The following CPPED1 variants were observed in gnomAD, a reference collection of about 807,000 sequenced individuals.
CPPED1 encodes calcineurin like phosphoesterase domain containing 1.
CPPED1 carries 28 observed loss-of-function variants against 28.0 expected under a neutral mutation model. The ratio of observed to expected loss-of-function variants is 1.00; its 90% CI spans 0.74 to 1.37. The LOEUF (loss-of-function observed/expected upper bound fraction) is 1.37, where lower values mean the gene tolerates loss of function less well. CPPED1 is among the 40% of genes most tolerant of loss of function. The pLI is 0.00. For synonymous variants in CPPED1, 198 were observed against 180.2 expected, an observed-to-expected ratio of 1.10 and a Z score of -0.79; for missense variants, 504 against 416.5, an observed-to-expected ratio of 1.21 and a Z score of -1.83.
intron 2 of CPPED1, among the ~76,000 whole-genome samples, chr16:12,724,045 C>T (rs7185373): frequency 0.83 from 125,817 of 152,048 alleles, 52,575 homozygotes; most frequent in African/African-American, 0.95. Flanking sequence ...TAAATCAGAG[C>T]ATACTTCCCC....
rs542813376 is a variant in CPPED1 at position 12,662,469 on chromosome 16, C to T, written c.*2417G>A. The T allele has an allele frequency of 6.6e-6, 1 of 152,302 alleles. No individual in the cohort carries two copies. Among genetic ancestry groups the T allele is most frequent in the East Asian group, 1.9e-4 (1 of 5,176 alleles). The allele number at this position is 152,302 out of a possible 1,614,324, so 9.4% of individuals were successfully genotyped here. A position where few individuals can be genotyped will look rare whatever the true frequency, so the allele number is the denominator to read the frequency against. On this transcript the variant is annotated 3_prime_UTR_variant, in exon 4 of 4. Coordinates refer to ENST00000381774, the MANE Select transcript of CPPED1 (RefSeq NM_018340.3). ...ATATTGCGAAGTGGTGAAGTCCAGG[C>T]TTTTCCTGCAACCAACACCAGAAAA...
At position 12,781,295 on chromosome 16, in the gene CPPED1, T is replaced by C; in HGVS notation, c.179A>G (p.Glu60Gly). The C allele has an allele frequency of 1.9e-6, 3 of 1,614,100 alleles. No homozygotes were observed. Among genetic ancestry groups the C allele is most frequent in the Non-Finnish European group, 2.5e-6 (3 of 1,179,996 alleles). ...AGTTAGACGGATCTCCTGTTCCCAT[T>C]CGTCACCGCCATTGTCACAGTCCCC... ...STGDCDNGGDEWEQEIRLTEQ... is the reference protein window; with the variant it reads ...STGDCDNGGDGWEQEIRLTEQ... Residue 60 changes from glutamate to glycine, a missense_variant, in exon 2 of 4, where the codon GAA (glutamate) becomes GGA (glycine). Physicochemically the swap from Glu to Gly is moderately conservative, Grantham distance 98. Coordinates refer to ENST00000381774, the MANE Select transcript of CPPED1 (RefSeq NM_018340.3).
intron 2 of CPPED1, among the ~76,000 whole-genome samples, chr16:12,719,425 C>T (rs1336108761): frequency 2.6e-5 from 4 of 151,886 alleles, no homozygotes; most frequent in East Asian, 1.9e-4. Context: ...TGGAGGAAAC[C>T]GCCCCCATGA....
chr16:12,761,951 G>A (rs1361432826), intron 2 of CPPED1, among the ~76,000 whole-genome samples: 2 of 151,752 alleles, frequency 1.3e-5, no homozygotes, highest in African/African-American at 2.4e-5. Flanking sequence ...TGAGGTGGAG[G>A]TTGCAGTGAG....
At chr16:12,728,742 A>C (rs1034286376) in intron 2 of CPPED1, among the ~76,000 whole-genome samples, 1 of 152,280 alleles carries the variant, frequency 6.6e-6, no homozygotes, top group South Asian at 2.1e-4. Flanking sequence ...AACGACATCA[A>C]ATGAAGTGAG....
At chr16:12,782,015 G>C (rs2080534634) in intron 1 of CPPED1, among the ~76,000 whole-genome samples, 1 of 152,118 alleles carries the variant, frequency 6.6e-6, no homozygotes, top group South Asian at 2.1e-4. Flanking sequence ...ACATTTCAAA[G>C]GCAGTAGGAT....
intron 2 of CPPED1, among the ~76,000 whole-genome samples, chr16:12,778,457 G>A (rs2080511324): frequency 6.6e-6 from 1 of 151,340 alleles, no homozygotes; most frequent in Non-Finnish European, 1.5e-5. Flanking sequence ...TTGTATTTTA[G>A]TAGAGACGGG....
chr16:12,784,079 G>A (rs760241607), intron 1 of CPPED1, among the ~76,000 whole-genome samples: 6 of 152,186 alleles, frequency 3.9e-5, no homozygotes, highest in Non-Finnish European at 8.8e-5. Context: ...ATATGATGAT[G>A]GCAGTCCCTT....
At chr16:12,684,283 G>T (rs1463210000) in intron 3 of CPPED1, among the ~76,000 whole-genome samples, 2 of 152,216 alleles carry the variant, frequency 1.3e-5, no homozygotes, top group Non-Finnish European at 2.9e-5. Flanking sequence ...GGCTGAGGTT[G>T]GAGGATCACC....
intron 2 of CPPED1, chr16:12,752,892 T>C (rs963795611): frequency 2.7e-5 from 4 of 148,476 alleles, no homozygotes; most frequent in Non-Finnish European, 4.5e-5. Flanking sequence ...TAATTACATA[T>C]TAATAACATT....
At chr16:12,724,428 C>T (rs1443838954) in intron 2 of CPPED1, among the ~76,000 whole-genome samples, 2 of 152,222 alleles carry the variant, frequency 1.3e-5, no homozygotes, top group Non-Finnish European at 2.9e-5. Context: ...CTGTCACTTC[C>T]ATGAGTGGCC....
chr16:12,693,096 C>A (rs1031291832), intron 3 of CPPED1, among the ~76,000 whole-genome samples: 9 of 152,234 alleles, frequency 5.9e-5, no homozygotes, highest in African/African-American at 1.9e-4. Context: ...CTCCTTACAA[C>A]TGACGTGCTC....
intron 3 of CPPED1, among the ~76,000 whole-genome samples, chr16:12,687,965 A>G (rs970848736): frequency 6.6e-6 from 1 of 151,726 alleles, no homozygotes; most frequent in African/African-American, 2.4e-5. Context: ...GGAAGGAAGA[A>G]GAAGGAGGAA....
At chr16:12,724,457 G>A (rs1317579538) in intron 2 of CPPED1, among the ~76,000 whole-genome samples, 3 of 152,230 alleles carry the variant, frequency 2.0e-5, no homozygotes, top group African/African-American at 4.8e-5. Flanking sequence ...CCATTATCGC[G>A]CAGCTGCCAG....
intron 2 of CPPED1, among the ~76,000 whole-genome samples, chr16:12,746,344 C>T (rs1010474103): frequency 1.4e-5 from 2 of 145,696 alleles, no homozygotes; most frequent in African/African-American, 5.0e-5. Flanking sequence ...ACTGCACTCC[C>T]GCCTAGGCGA....
At chr16:12,719,997 C>A (rs1030713317) in intron 2 of CPPED1, among the ~76,000 whole-genome samples, 2 of 152,046 alleles carry the variant, frequency 1.3e-5, no homozygotes, top group African/African-American at 4.8e-5. Context: ...ATGTCCATTA[C>A]ACTATGTGCA....
At chr16:12,723,100 A>C (rs1450755628) in intron 2 of CPPED1, among the ~76,000 whole-genome samples, 1 of 152,120 alleles carries the variant, frequency 6.6e-6, no homozygotes, top group Non-Finnish European at 1.5e-5. Context: ...GCTCCCATCT[A>C]ACTTCCGTAT....
rs551097973 is a variant in CPPED1, at chr16:12,661,828, C to T, written c.*3058G>A. ...TCTGCTCTTTGGACAAGCTTCTGCC[C>T]CCTGAACCTGGTGCAATCAGGGTCT... On this transcript the variant is annotated 3_prime_UTR_variant, in exon 4 of 4. Coordinates refer to ENST00000381774, the MANE Select transcript of CPPED1 (RefSeq NM_018340.3). 6.6e-6 allele frequency: 1 copy of T among 152,368 alleles called. No homozygotes were observed. Among genetic ancestry groups the T allele is most frequent in the Non-Finnish European group, 1.5e-5 (1 of 68,166 alleles). The allele number at this position is 152,368 out of a possible 1,614,324, so 9.4% of individuals were successfully genotyped here.
intron 2 of CPPED1, among the ~76,000 whole-genome samples, chr16:12,747,059 TA>T (rs894792545): frequency 1.1e-4 from 14 of 124,738 alleles, no homozygotes; most frequent in Non-Finnish European, 2.1e-4. Context: ...TCCCAAAAAA[TA>T]AAAAAAAAAT....
Sources: gnomAD v4.1 joint callset for allele counts (sites outside exome capture counted in the v4.1 genomes callset) on GRCh38, gnomAD v4.1.1 for gene constraint, MANE v1.5 for transcripts, NCBI Gene and HGNC (gene_info 2026-07-23, HGNC 2026-07-21) for gene names.